The following CDYL2 variants were observed in gnomAD, a reference collection of about 807,000 sequenced individuals.
CDYL2 encodes the protein chromodomain Y-like protein 2.
CDYL2 carries 23 observed loss-of-function variants against 49.4 expected under a neutral mutation model. The observed-to-expected ratio is 0.47, with a 90% CI of 0.34 to 0.66. CDYL2 has a LOEUF of 0.66. CDYL2 is among the 30% of genes least tolerant of loss of function. CDYL2 has a pLI of 0.01. For synonymous variants in CDYL2, 360 were observed against 268.8 expected, an observed-to-expected ratio of 1.34 and a Z score of -3.32; for missense variants, 678 against 656.4, an observed-to-expected ratio of 1.03 and a Z score of -0.36.
chr16:80,650,904 G>C (rs1226808457), intron 2 of CDYL2, among the ~76,000 whole-genome samples: 1 of 145,652 alleles, frequency 6.9e-6, no homozygotes, highest in African/African-American at 2.5e-5. Flanking sequence ...CTTATTTGTG[G>C]GATCTAAAAA....
chr16:80,630,656 G>C (rs1427950649), intron 3 of CDYL2, among the ~76,000 whole-genome samples: 2 of 152,052 alleles, frequency 1.3e-5, no homozygotes, highest in East Asian at 1.9e-4. Flanking sequence ...GGAGGATGGA[G>C]AGGCCCCCAA....
At chr16:80,629,570 A>G (rs907760268) in intron 3 of CDYL2, among the ~76,000 whole-genome samples, 7 of 152,084 alleles carry the variant, frequency 4.6e-5, no homozygotes, top group Non-Finnish European at 1.0e-4. Flanking sequence ...AATCAAGGAG[A>G]CTGTGTCATC....
chr16:80,623,439 T>C (rs1907170346), intron 3 of CDYL2, among the ~76,000 whole-genome samples: 1 of 150,564 alleles, frequency 6.6e-6, no homozygotes. Context: ...ATACTGACCC[T>C]ACGGAACAGG....
chr16:80,746,456 A>G lies in CDYL2; in HGVS notation c.24+57694T>C, dbSNP rs150607872. On this transcript the variant is annotated intron_variant, in intron 1 of 6. Coordinates refer to ENST00000570137, the MANE Select transcript of CDYL2 (RefSeq NM_152342.4). ...GTTCTCTTCTTACAGCCAGATTTCT[A>G]AAGTGTGAATTCTGAGCAATTTTCC... 3.2e-3 allele frequency among the ~76,000 whole-genome samples: 494 copies of G among 152,276 alleles called. 4 individuals carry two copies. Among genetic ancestry groups the G allele is most frequent in the African/African-American group, 0.011 (458 of 41,556 alleles).
At chr16:80,641,067 A>C (rs887584381) in intron 2 of CDYL2, among the ~76,000 whole-genome samples, 1 of 152,196 alleles carries the variant, frequency 6.6e-6, no homozygotes, top group Non-Finnish European at 1.5e-5. Flanking sequence ...GAACTTCCCA[A>C]GCCTAGAGAA....
intron 2 of CDYL2, among the ~76,000 whole-genome samples, chr16:80,656,514 A>T (rs982836854): frequency 1.3e-5 from 2 of 152,238 alleles, no homozygotes; most frequent in African/African-American, 4.8e-5. Context: ...TGAGAAGTAA[A>T]GGAAATGGTG....
chr16:80,682,105 T>G (rs1567568977), intron 2 of CDYL2, among the ~76,000 whole-genome samples: 1 of 152,166 alleles, frequency 6.6e-6, no homozygotes, highest in Admixed American at 6.5e-5. Context: ...GATCTGCATC[T>G]CTCATCAGTT....
intron 1 of CDYL2, among the ~76,000 whole-genome samples, chr16:80,762,914 G>A (rs1906582272): frequency 1.3e-5 from 2 of 152,314 alleles, no homozygotes; most frequent in East Asian, 1.9e-4. Context: ...CTACAGTACT[G>A]CTGGCCATGA....
intron 1 of CDYL2, among the ~76,000 whole-genome samples, chr16:80,745,968 T>G (rs769434406): frequency 6.3e-4 from 96 of 152,128 alleles, no homozygotes; most frequent in Admixed American, 1.6e-3. Context: ...GGATACCCCC[T>G]CCTGCTATCA....
chr16:80,604,202 G>A lies in CDYL2; in HGVS notation c.*186C>T, dbSNP rs1012437539. The A allele has an allele frequency of 7.2e-5, 47 of 648,760 alleles. No homozygotes were observed. Among genetic ancestry groups the A allele is most frequent in the Middle Eastern group, 8.4e-4 (2 of 2,380 alleles). 40.2% of individuals were successfully genotyped at this position (648,760 alleles called of 1,614,324 possible). A position where few individuals can be genotyped will look rare whatever the true frequency, so the allele number is the denominator to read the frequency against. On this transcript the variant is annotated 3_prime_UTR_variant, in exon 7 of 7. Transcript: ENST00000570137. ...CAGGGAGGTGGGGGAGGCCAAGTAT[G>A]CTGCGTTTTCCATCCATTACACAAA...
chr16:80,798,309 C>T (rs1907827513), intron 1 of CDYL2, among the ~76,000 whole-genome samples: 1 of 152,186 alleles, frequency 6.6e-6, no homozygotes, highest in Admixed American at 6.5e-5. Flanking sequence ...TCCCACAGTG[C>T]TGGGATTACA....
intron 2 of CDYL2, among the ~76,000 whole-genome samples, chr16:80,672,692 CCTAA>C (rs1168503805): frequency 6.6e-6 from 1 of 152,136 alleles, no homozygotes; most frequent in African/African-American, 2.4e-5. Context: ...AGGCCAGCTG[CCTAA>C]CTAACTTTGT....
chr16:80,767,792 GC>G (rs1906776073), intron 1 of CDYL2, among the ~76,000 whole-genome samples: 1 of 152,152 alleles, frequency 6.6e-6, no homozygotes, highest in African/African-American at 2.4e-5. Flanking sequence ...TATATGCCAG[GC>G]ACTGAACAAT....
At chr16:80,771,291 T>G (rs535619321) in intron 1 of CDYL2, among the ~76,000 whole-genome samples, 2 of 152,354 alleles carry the variant, frequency 1.3e-5, no homozygotes, top group Admixed American at 1.3e-4. Context: ...AGATGAGAAC[T>G]GGCAAAAATA....
chr16:80,792,328 G>A (rs1907635382), intron 1 of CDYL2, among the ~76,000 whole-genome samples: 1 of 152,166 alleles, frequency 6.6e-6, no homozygotes, highest in Admixed American at 6.5e-5. Flanking sequence ...GGCAGCAGGA[G>A]ATGAGGACAC....
chr16:80,731,556 C>G (rs1266609613), intron 1 of CDYL2, among the ~76,000 whole-genome samples: 1 of 152,104 alleles, frequency 6.6e-6, no homozygotes, highest in Admixed American at 6.5e-5. Flanking sequence ...TATAAAAATT[C>G]AGAATGGGAT....
At chr16:80,721,268 C>A (rs912531004) in intron 1 of CDYL2, among the ~76,000 whole-genome samples, 17 of 152,218 alleles carry the variant, frequency 1.1e-4, no homozygotes, top group African/African-American at 4.1e-4. Context: ...ATCCTCCCAA[C>A]AGTCCTCTGA....
intron 4 of CDYL2, among the ~76,000 whole-genome samples, chr16:80,613,785 T>C (rs1477149086): frequency 6.6e-6 from 1 of 152,240 alleles, no homozygotes; most frequent in African/African-American, 2.4e-5. Context: ...TAGTAAAGTC[T>C]GCATCCTTCG....
chr16:80,612,127 G>A lies in CDYL2; in HGVS notation c.1218+499C>T, dbSNP rs1378068897. Among the ~76,000 whole-genome samples the A allele has an allele frequency of 6.6e-6, 1 of 152,226 alleles. No homozygotes were observed. The highest frequency in any genetic ancestry group is 1.5e-5 in the Non-Finnish European group (1 of 68,030). On this transcript the variant is annotated intron_variant, in intron 5 of 6. Coordinates refer to ENST00000570137, the MANE Select transcript of CDYL2 (RefSeq NM_152342.4). This position sits in a 1 kb window ranked among gnomAD's most constrained non-coding sequence, Gnocchi z 5.0. ...GAGTCATGGCCAATACCACATGAGTGGAGGGGAAGACGCCCCTGCCGGCCT... is the reference window on the plus strand; with the variant it reads ...GAGTCATGGCCAATACCACATGAGTAGAGGGGAAGACGCCCCTGCCGGCCT...
Sources: gnomAD v4.1 joint callset for allele counts (sites outside exome capture counted in the v4.1 genomes callset) on GRCh38, gnomAD v4.1.1 for gene constraint, Gnocchi (gnomAD v3.1) non-coding constraint, MANE v1.5 for transcripts, NCBI Gene and HGNC (gene_info 2026-07-23, HGNC 2026-07-21) for gene names.